BUD13: variants seen among roughly 807,000 people sequenced by gnomAD.
BUD13 encodes the protein BUD13 spliceosome associated protein, also known as BUD13 homolog.
BUD13 carries 47 observed loss-of-function variants against 62.5 expected under a neutral mutation model. The observed-to-expected ratio is 0.75, with a 90% CI of 0.60 to 0.96. The LOEUF is 0.96. BUD13 is among the 40% of genes least tolerant of loss of function. BUD13 has a pLI of 0.00. For missense variants in BUD13, 821 were observed against 790.9 expected (o/e 1.04, Z -0.46); for synonymous variants, 293 against 280.1 (o/e 1.05, Z -0.46).
rs767550000 is a variant in BUD13 at position 116,759,163 on chromosome 11, G to A, written c.1271C>T (p.Ser424Phe). 1 of 1,613,962 alleles carries A rather than the reference G, an allele frequency of 6.2e-7. No homozygotes were observed. The highest frequency in any genetic ancestry group is 8.5e-7 in the Non-Finnish European group (1 of 1,179,902). Residue 424 changes from serine to phenylalanine, a missense_variant, in exon 6 of 10, where the codon TCT becomes TTT. Ser to Phe is a radical substitution (Grantham distance 155, BLOSUM62 -2). Transcript: ENST00000260210. ...TAACACCAACCCAGTTTTAGCCCCA[G>A]AATACATGTGTGCAGCCTATGCAAC... ...PPGKKAAHMY[S>F]GAKTGLVLTD...
intron 9 of BUD13, among the ~76,000 whole-genome samples, chr11:116,756,609 G>A (rs1940330885): frequency 6.6e-6 from 1 of 152,118 alleles, no homozygotes; most frequent in Admixed American, 6.5e-5. Flanking sequence ...AAGAGGAGAT[G>A]GGATCTAATA....
In BUD13 at chr11:116,760,737, T is replaced by C. The variant is rs1940413931; in HGVS notation, c.1252A>G (p.Lys418Glu). ...PPRRSQPPGKKAAHMYSGAKT... is the reference protein window; with the variant it reads ...PPRRSQPPGKEAAHMYSGAKT... ...ACATGGCTCCTGAAAATCCTGACCTTCTTTCCAGGAGGCTGACTCCTTCGA... is the reference window on the plus strand; with the variant it reads ...ACATGGCTCCTGAAAATCCTGACCTCCTTTCCAGGAGGCTGACTCCTTCGA... The change falls in exon 5 of 10, where the codon AAG becomes GAG. Residue 418 changes from lysine (K) to glutamate (E), a missense_variant and splice_region_variant. By Grantham distance (56) the Lys-to-Glu change is moderately conservative. Transcript: ENST00000260210. 1 of 1,614,084 alleles carries C rather than the reference T, an allele frequency of 6.2e-7. No homozygotes were observed. Among genetic ancestry groups the C allele is most frequent in the Non-Finnish European group, 8.5e-7 (1 of 1,179,980 alleles).
At chr11:116,758,109 G>A (rs1940363813) in intron 7 of BUD13, among the ~76,000 whole-genome samples, 159 bp from the exon 8 acceptor site, 1 of 152,148 alleles carries the variant, frequency 6.6e-6, no homozygotes, top group Admixed American at 6.5e-5. Flanking sequence ...CTAGAAGCGT[G>A]GAATATATCA....
At chr11:116,753,068 AAAC>A (rs1940266444) in intron 9 of BUD13, among the ~76,000 whole-genome samples, 1 of 152,196 alleles carries the variant, frequency 6.6e-6, no homozygotes, top group Non-Finnish European at 1.5e-5. Context: ...AACCTAGACA[AAAC>A]AAAAAAAATA....
intron 2 of BUD13, among the ~76,000 whole-genome samples, chr11:116,768,146 T>G (rs1565316032): frequency 6.6e-6 from 1 of 152,142 alleles, no homozygotes. Context: ...TTTGATCCAC[T>G]CATTTCATTT....
Position 116,748,350 on chromosome 11 carries a change from G to A in BUD13, c.*132C>T, listed in dbSNP as rs916722951. 4.1e-6 allele frequency: 3 copies of A among 737,438 alleles called. No homozygotes were observed. In the African/African-American group the frequency reaches 5.3e-5, roughly 13 times the overall value. 45.7% of individuals were successfully genotyped at this position (737,438 alleles called of 1,614,324 possible). ...ATCAGGTCTCGAATATTCTTCTGTG[G>A]TCAAAACTGGCATTCAACAAGTTGC... On this transcript the variant is annotated 3_prime_UTR_variant, in exon 10 of 10. Coordinates refer to ENST00000260210, the MANE Select transcript of BUD13 (RefSeq NM_032725.4).
In BUD13 at chr11:116,762,575, G is replaced by C; in HGVS notation, c.1014C>G (p.Asp338Glu). ...CACCTTTGGAATCAAGCTGCTTCTTGTCTCCAAAATGGGATTTTGCTTGCT... is the reference window on the plus strand; with the variant it reads ...CACCTTTGGAATCAAGCTGCTTCTTCTCTCCAAAATGGGATTTTGCTTGCT... ...RKKQAKSHFG[D>E]KKQLDSKGDC... Residue 338 changes from aspartate to glutamate, a missense_variant, in exon 4 of 10, where the codon GAC becomes GAG. This residue lies in a region of BUD13 where 800 missense variants were observed against 739.2 expected (regional missense o/e 1.08). Coordinates refer to ENST00000260210, the MANE Select transcript of BUD13 (RefSeq NM_032725.4). The C allele has an allele frequency of 6.2e-7, 1 of 1,611,542 alleles. No individual in the cohort carries two copies. The highest frequency in any genetic ancestry group is 8.5e-7 in the Non-Finnish European group (1 of 1,178,786).
intron 2 of BUD13, among the ~76,000 whole-genome samples, chr11:116,769,602 A>AC (rs1256069606): frequency 6.6e-6 from 1 of 152,212 alleles, no homozygotes; most frequent in Non-Finnish European, 1.5e-5. Context: ...TCTGTGATCC[A>AC]TCTCATTTCT....
intron 2 of BUD13, among the ~76,000 whole-genome samples, chr11:116,768,532 CTTTT>C (rs909938743): frequency 6.6e-6 from 1 of 152,064 alleles, no homozygotes; most frequent in Non-Finnish European, 1.5e-5. Context: ...AAACTTTAAA[CTTTT>C]TTTAATTCCC....
At chr11:116,755,136 T>C (rs944475573) in intron 9 of BUD13, among the ~76,000 whole-genome samples, 1 of 152,200 alleles carries the variant, frequency 6.6e-6, no homozygotes, top group Non-Finnish European at 1.5e-5. Context: ...AAATATCTCA[T>C]AATGAACAGA....
intron 6 of BUD13, 70 bp from the exon 7 acceptor site, chr11:116,758,477 CCG>C: frequency 6.5e-7 from 1 of 1,539,826 alleles, no homozygotes; most frequent in South Asian, 1.2e-5. Flanking sequence ...ATCAAATCAA[CCG>C]CTTGGGATTC....
rs1412529544 is a variant in BUD13 at position 116,748,421 on chromosome 11, T to G, written c.*61A>C. ...TATTAGCACAGACAACTGTTACCAC[T>G]GGATATCTCGCTGCCTATGCCCACT... is the stretch of plus-strand genomic sequence containing the variant. On this transcript the variant is annotated 3_prime_UTR_variant, in exon 10 of 10. Transcript: ENST00000260210. The G allele has an allele frequency of 1.4e-6, 2 of 1,442,474 alleles. No homozygotes were observed. The highest frequency in any genetic ancestry group is 1.7e-5 in the Admixed American group (1 of 59,434). 89.4% of individuals were successfully genotyped at this position (1,442,474 alleles called of 1,614,324 possible).
At chr11:116,753,551 A>G (rs963189593) in intron 9 of BUD13, among the ~76,000 whole-genome samples, 4 of 152,256 alleles carry the variant, frequency 2.6e-5, no homozygotes, top group South Asian at 4.1e-4. Context: ...TCTACAGTGT[A>G]TCATTCATGA....
Position 116,757,232 on chromosome 11 carries a change from T to C in BUD13, c.1685-5A>G, listed in dbSNP as rs769540648. 2 of 1,612,470 alleles carry C rather than the reference T, an allele frequency of 1.2e-6. No individual in the cohort carries two copies. Among genetic ancestry groups the C allele is most frequent in the Non-Finnish European group, 1.7e-6 (2 of 1,178,574 alleles). On this transcript the variant is annotated splice_polypyrimidine_tract_variant and splice_region_variant and intron_variant, in intron 8 of 9. Transcript: ENST00000260210. ...GACCACTGTAGCGAGGTCTCACTAA[T>C]GAGAGGAGTAAGAAAAAAGTATTCA...
rs565754877 is a variant in BUD13 at position 116,759,297 on chromosome 11, T to C, written c.1255-118A>G. 8 of 636,786 alleles carry C rather than the reference T, an allele frequency of 1.3e-5. No individual in the cohort carries two copies. In the Admixed American group the frequency reaches 1.8e-4, roughly 14 times the overall value. The allele number at this position is 636,786 out of a possible 1,614,324, so 39.4% of individuals were successfully genotyped here. ...CCAGCAATAATTAAACCTAAAACTCTAGCTTTATATTCTCAATAATTACCA... is the reference window on the plus strand; with the variant it reads ...CCAGCAATAATTAAACCTAAAACTCCAGCTTTATATTCTCAATAATTACCA... On this transcript the variant is annotated intron_variant, in intron 5 of 9. Transcript: ENST00000260210.
chr11:116,762,825 G>A lies in BUD13; in HGVS notation c.764C>T (p.Thr255Ile). ...HNNSPDTSRR[T>I]LGSSDTQQLR... ...TTGCTGTGTGTCTGAAGAGCCAAGAGTCCTCCTAGATGTGTCAGGGGAGTT... is the reference window on the plus strand; with the variant it reads ...TTGCTGTGTGTCTGAAGAGCCAAGAATCCTCCTAGATGTGTCAGGGGAGTT... Residue 255 changes from threonine (T) to isoleucine (I), a missense_variant, in exon 4 of 10, where the codon ACT becomes ATT. Physicochemically the swap from Thr to Ile is moderately conservative, Grantham distance 89. Around this residue, in one of 2 missense-constraint regions of BUD13, gnomAD observed 800 missense variants for 739.2 expected, o/e 1.08. Coordinates refer to ENST00000260210, the MANE Select transcript of BUD13 (RefSeq NM_032725.4). The A allele has an allele frequency of 6.2e-7, 1 of 1,612,920 alleles. No individual in the cohort carries two copies. Among genetic ancestry groups the A allele is most frequent in the Non-Finnish European group, 8.5e-7 (1 of 1,179,640 alleles).
intron 9 of BUD13, among the ~76,000 whole-genome samples, chr11:116,754,896 G>T (rs747152948): frequency 6.6e-6 from 1 of 152,156 alleles, no homozygotes; most frequent in African/African-American, 2.4e-5. Flanking sequence ...GAAAACAACT[G>T]ACAATACAGT....
At chr11:116,767,620 G>T (rs1330308518) in intron 2 of BUD13, among the ~76,000 whole-genome samples, 2 of 147,642 alleles carry the variant, frequency 1.4e-5, no homozygotes, top group Non-Finnish European at 3.0e-5. Context: ...AAAGAAACTG[G>T]ATACCATTAC....
In BUD13 at chr11:116,757,191, T is replaced by C. The variant is rs754438781; in HGVS notation, c.1721A>G (p.Asn574Ser). ...PRYSGPAPPP[N>S]RFNIWPGYRW... ...ATATCCAGGCCAGATATTAAATCTG[T>C]TGGGAGGAGGTGCTGGACCACTGTA... The change falls in exon 9 of 10, where the codon AAC (asparagine) becomes AGC (serine). Residue 574 changes from asparagine to serine, a missense_variant. Asn to Ser is a conservative substitution (Grantham distance 46). Around this residue, in one of 2 missense-constraint regions of BUD13, gnomAD observed 800 missense variants for 739.2 expected, o/e 1.08. Transcript: ENST00000260210. 5 of 1,614,178 alleles carry C rather than the reference T, an allele frequency of 3.1e-6. No homozygotes were observed. The highest frequency in any genetic ancestry group is 1.7e-5 in the Admixed American group (1 of 60,024).
Sources: allele counts gnomAD v4.1 joint callset (sites outside exome capture counted in the v4.1 genomes callset), GRCh38; gene constraint gnomAD v4.1.1; regional missense constraint gnomAD v4.1.1; transcripts MANE v1.5; gene names NCBI Gene and HGNC (gene_info 2026-07-23, HGNC 2026-07-21).